The following RHD variants were observed in gnomAD, a reference collection of about 807,000 sequenced individuals.
RHD encodes blood group Rh(D) polypeptide.
RHD carries 16 observed loss-of-function variants against 45.5 expected under a neutral mutation model. The observed-to-expected ratio is 0.35, with a 90% CI of 0.24 to 0.53. RHD has a LOEUF of 0.53. RHD is among the 20% of genes least tolerant of loss of function. RHD has a pLI of 0.92. For synonymous variants in RHD, 131 were observed against 217.5 expected, an observed-to-expected ratio of 0.60 and a Z score of 3.50; for missense variants, 306 against 532.0, an observed-to-expected ratio of 0.58 and a Z score of 4.18.
At position 25,283,643 on chromosome 1, in the gene RHD, G is replaced by T. The variant is rs1365354996; in HGVS notation, c.149-930G>T. ...ACAGTAACAGCACCCACGTCAAAGT[G>T]TGGTTGTGAGAACGAAACAAGATAG... On this transcript the variant is annotated intron_variant, in intron 1 of 9. Coordinates refer to ENST00000328664, the MANE Select transcript of RHD (RefSeq NM_016124.6). Among the ~76,000 whole-genome samples, 14 of 133,860 alleles carry T rather than the reference G, an allele frequency of 1.0e-4. 1 individual carries two copies. The highest frequency in any genetic ancestry group is 3.6e-4 in the African/African-American group (14 of 38,514). 87.8% of individuals were successfully genotyped at this position (133,860 alleles called of 152,430 possible).
In RHD at chr1:25,293,113, G is replaced by A. The variant is rs1270990324; in HGVS notation, c.486+2322G>A. Among the ~76,000 whole-genome samples, 19 of 131,914 alleles carry A rather than the reference G, an allele frequency of 1.4e-4. 3 individuals carry two copies. The highest frequency in any genetic ancestry group is 4.4e-4 in the Admixed American group (6 of 13,606). 86.5% of individuals were successfully genotyped at this position (131,914 alleles called of 152,430 possible). ...ATGAAGGCAACAGCCTGGCTTGACT[G>A]ATTCAAGAGCAGGAGATGAGAAAGT... On this transcript the variant is annotated intron_variant, in intron 3 of 9. Coordinates refer to ENST00000328664, the MANE Select transcript of RHD (RefSeq NM_016124.6).
rs193190314 is a variant in RHD at position 25,282,358 on chromosome 1, G to A, written c.149-2215G>A. 2.4e-3 allele frequency among the ~76,000 whole-genome samples: 318 copies of A among 131,018 alleles called. 51 individuals carry two copies. Among genetic ancestry groups the A allele is most frequent in the African/African-American group, 7.6e-3 (292 of 38,478 alleles). The allele number at this position is 131,018 out of a possible 152,430, so 86.0% of individuals were successfully genotyped here. ...CAAGCGATTCTCCTGCCTGCCTCCC[G>A]AGTAGCTGGGATTACAGGTGCCCAC... On this transcript the variant is annotated intron_variant, in intron 1 of 9. Coordinates refer to ENST00000328664, the MANE Select transcript of RHD (RefSeq NM_016124.6).
intron 7 of RHD, among the ~76,000 whole-genome samples, chr1:25,315,058 G>A (rs1644365049): frequency 7.8e-6 from 1 of 128,528 alleles, no homozygotes; most frequent in Non-Finnish European, 1.8e-5. Context: ...CAAAAAATTA[G>A]CTGGGCGTTG....
rs148372213 is a variant in RHD at position 25,281,910 on chromosome 1, T to C, written c.149-2663T>C. Among the ~76,000 whole-genome samples the C allele has an allele frequency of 3.9e-3, 516 of 132,758 alleles. 72 individuals are homozygous for C. Among genetic ancestry groups the C allele is most frequent in the East Asian group, 0.028 (146 of 5,140 alleles). The allele number at this position is 132,758 out of a possible 152,430, so 87.1% of individuals were successfully genotyped here. A position where few individuals can be genotyped will look rare whatever the true frequency, so the allele number is the denominator to read the frequency against. On this transcript the variant is annotated intron_variant, in intron 1 of 9. Coordinates refer to ENST00000328664, the MANE Select transcript of RHD (RefSeq NM_016124.6). ...GTGTATGTTTCAATGGAAGTGAATTTAAATGTACTTTATAAATCAAAGACT... is the reference window on the plus strand; with the variant it reads ...GTGTATGTTTCAATGGAAGTGAATTCAAATGTACTTTATAAATCAAAGACT...
In RHD at chr1:25,328,998, C is replaced by T. The variant is rs764932087; in HGVS notation, c.*74C>T. The T allele has an allele frequency of 7.3e-6, 10 of 1,375,126 alleles. 3 individuals carry two copies. The highest frequency in any genetic ancestry group is 5.9e-5 in the South Asian group (5 of 84,602). 85.2% of individuals were successfully genotyped at this position (1,375,126 alleles called of 1,614,324 possible). ...CCTCTCACTGTTGCCTGCATTTGTA[C>T]GTGAGAAACGCTCATGACAGCAAAG... On this transcript the variant is annotated 3_prime_UTR_variant, in exon 10 of 10. Coordinates refer to ENST00000328664, the MANE Select transcript of RHD (RefSeq NM_016124.6).
At position 25,282,142 on chromosome 1, in the gene RHD, G is replaced by C. The variant is rs528359106; in HGVS notation, c.149-2431G>C. Among the ~76,000 whole-genome samples the C allele has an allele frequency of 3.3e-4, 44 of 132,646 alleles. 10 individuals are homozygous for C. Among genetic ancestry groups the C allele is most frequent in the Middle Eastern group, 4.1e-3 (1 of 246 alleles). 87.0% of individuals were successfully genotyped at this position (132,646 alleles called of 152,430 possible). ...GATTTCCCAGAAACCTCTCAGGTGG[G>C]TCTAATTACCCTTATTCAGCTGATA... On this transcript the variant is annotated intron_variant, in intron 1 of 9. Transcript: ENST00000328664.
chr1:25,305,531 G>A lies in RHD; in HGVS notation c.940-1065G>A, dbSNP rs539006708. On this transcript the variant is annotated intron_variant, in intron 6 of 9. Transcript: ENST00000328664. Reference sequence around the variant, plus strand: ...CCTACCTCAGCCTCCTGAGTAGCTGGGATTACAGGTGCCCACCACCATGCC... The same window carrying A: ...CCTACCTCAGCCTCCTGAGTAGCTGAGATTACAGGTGCCCACCACCATGCC... Among the ~76,000 whole-genome samples, 583 of 128,962 alleles carry A rather than the reference G, an allele frequency of 4.5e-3. 92 individuals are homozygous for A. Among genetic ancestry groups the A allele is most frequent in the African/African-American group, 0.015 (560 of 37,420 alleles). 84.6% of individuals were successfully genotyped at this position (128,962 alleles called of 152,430 possible). A position where few individuals can be genotyped will look rare whatever the true frequency, so the allele number is the denominator to read the frequency against.
chr1:25,311,365 G>A (rs1437866642), intron 7 of RHD, among the ~76,000 whole-genome samples: 1 of 130,606 alleles, frequency 7.7e-6, no homozygotes, highest in African/African-American at 2.6e-5. Flanking sequence ...AAGAAAACTA[G>A]TACACATAAA....
Position 25,310,718 on chromosome 1 carries a change from T to G in RHD, c.1073+3989T>G, listed in dbSNP as rs779490818. Among the ~76,000 whole-genome samples, 8 of 132,696 alleles carry G rather than the reference T, an allele frequency of 6.0e-5. 2 individuals are homozygous for G. The highest frequency in any genetic ancestry group is 2.0e-4 in the African/African-American group (8 of 39,346). 87.1% of individuals were successfully genotyped at this position (132,696 alleles called of 152,430 possible). The stretch of plus-strand genomic sequence containing the variant: ...CAGGCACGGTGTCTCAGGCTTATAA[T>G]CCCAGCACTTTGGGAGGCCAAAGCA... On this transcript the variant is annotated intron_variant, in intron 7 of 9. Coordinates refer to ENST00000328664, the MANE Select transcript of RHD (RefSeq NM_016124.6).
chr1:25,299,402 T>C (rs916670241), intron 3 of RHD, among the ~76,000 whole-genome samples: 2 of 129,798 alleles, frequency 1.5e-5, no homozygotes, highest in African/African-American at 5.3e-5. Context: ...AATAAATAAA[T>C]ACAAATAAAA....
rs1403405250 is a variant in RHD at position 25,322,631 on chromosome 1, C to G, written c.1227+669C>G. Among the ~76,000 whole-genome samples, 3 of 130,110 alleles carry G rather than the reference C, an allele frequency of 2.3e-5. 1 individual carries two copies. The highest frequency in any genetic ancestry group is 5.5e-5 in the Non-Finnish European group (3 of 54,932). The allele number at this position is 130,110 out of a possible 152,430, so 85.4% of individuals were successfully genotyped here. A position where few individuals can be genotyped will look rare whatever the true frequency, so the allele number is the denominator to read the frequency against. On this transcript the variant is annotated intron_variant, in intron 9 of 9. Coordinates refer to ENST00000328664, the MANE Select transcript of RHD (RefSeq NM_016124.6). ...AAGTTTGCAGTGATCTGAGATCATGCCACTGCACTCCAGCCTGGGTGACAG... is the reference window on the plus strand; with the variant it reads ...AAGTTTGCAGTGATCTGAGATCATGGCACTGCACTCCAGCCTGGGTGACAG...
At chr1:25,311,733 T>C (rs1294898155) in intron 7 of RHD, among the ~76,000 whole-genome samples, 1 of 129,920 alleles carries the variant, frequency 7.7e-6, no homozygotes, top group East Asian at 2.0e-4. Flanking sequence ...GCTCCCCACA[T>C]TTCTGGTGCA....
rs1461981112 is a variant in RHD at position 25,307,586 on chromosome 1, C to T, written c.1073+857C>T. ...CATTATCTCCTTGAATTCTCACAAC[C>T]GCCTACTGAGGTATTCTCAGACTCT... On this transcript the variant is annotated intron_variant, in intron 7 of 9. Transcript: ENST00000328664. 24 of 730,650 alleles carry T rather than the reference C, an allele frequency of 3.3e-5. 3 individuals are homozygous for T. Among genetic ancestry groups the T allele is most frequent in the East Asian group, 1.3e-4 (5 of 38,140 alleles). 45.3% of individuals were successfully genotyped at this position (730,650 alleles called of 1,614,324 possible).
chr1:25,313,490 C>T lies in RHD; in HGVS notation c.1074-3510C>T, dbSNP rs1292106917. On this transcript the variant is annotated intron_variant, in intron 7 of 9. Transcript: ENST00000328664. Reference sequence around the variant, plus strand: ...TCCAGGTTGTTAAGCATTGCTGTACCCTTTTTCCACTGGGATATAGTGTTC... The same window carrying T: ...TCCAGGTTGTTAAGCATTGCTGTACTCTTTTTCCACTGGGATATAGTGTTC... 3.0e-4 allele frequency among the ~76,000 whole-genome samples: 40 copies of T among 132,032 alleles called. 9 individuals carry two copies. Among genetic ancestry groups the T allele is most frequent in the Non-Finnish European group, 5.6e-4 (31 of 55,666 alleles). The allele number at this position is 132,032 out of a possible 152,430, so 86.6% of individuals were successfully genotyped here. A position where few individuals can be genotyped will look rare whatever the true frequency, so the allele number is the denominator to read the frequency against.
rs569613326 is a variant in RHD at position 25,322,471 on chromosome 1, G to C, written c.1227+509G>C. ...GGCGATCACCTGAGGCCAGGAGTTCGAGACCAGCCTGGCCAACGTGTCGAA... is the reference window on the plus strand; with the variant it reads ...GGCGATCACCTGAGGCCAGGAGTTCCAGACCAGCCTGGCCAACGTGTCGAA... On this transcript the variant is annotated intron_variant, in intron 9 of 9. Transcript: ENST00000328664. Among the ~76,000 whole-genome samples, 185 of 132,680 alleles carry C rather than the reference G, an allele frequency of 1.4e-3. 22 individuals are homozygous for C. Among genetic ancestry groups the C allele is most frequent in the African/African-American group, 4.3e-3 (169 of 39,032 alleles). The allele number at this position is 132,680 out of a possible 152,430, so 87.0% of individuals were successfully genotyped here. A position where few individuals can be genotyped will look rare whatever the true frequency, so the allele number is the denominator to read the frequency against.
At chr1:25,305,150 C>G (rs1309109992) in intron 6 of RHD, among the ~76,000 whole-genome samples, 1 of 131,190 alleles carries the variant, frequency 7.6e-6, no homozygotes, top group African/African-American at 2.6e-5. Flanking sequence ...GGTTGACAGC[C>G]AAGTGTTGAC....
In RHD at chr1:25,322,029, A is replaced by C. The variant is rs1159040727; in HGVS notation, c.1227+67A>C. 2 of 848,474 alleles carry C rather than the reference A, an allele frequency of 2.4e-6. 1 individual carries two copies. The highest frequency in any genetic ancestry group is 3.2e-5 in the African/African-American group (2 of 62,362). The allele number at this position is 848,474 out of a possible 1,614,324, so 52.6% of individuals were successfully genotyped here. On this transcript the variant is annotated intron_variant, in intron 9 of 9. Transcript: ENST00000328664. ...TGAACTTAAAAACATACCTGAGTAT[A>C]TATGTTGACTTGCTGTTTATGAGTA...
At position 25,276,472 on chromosome 1, in the gene RHD, C is replaced by T. The variant is rs533052122; in HGVS notation, c.148+3777C>T. On this transcript the variant is annotated intron_variant, in intron 1 of 9. Coordinates refer to ENST00000328664, the MANE Select transcript of RHD (RefSeq NM_016124.6). ...TTTAGGGAGGCCAAGTGGGGAGGAT[C>T]GCTTAAACCAAGGAGTTCAAGACGA... Among the ~76,000 whole-genome samples the T allele has an allele frequency of 6.4e-5, 7 of 110,046 alleles. 1 individual carries two copies. Among genetic ancestry groups the T allele is most frequent in the African/African-American group, 1.3e-4 (4 of 30,492 alleles). 72.2% of individuals were successfully genotyped at this position (110,046 alleles called of 152,430 possible).
At chr1:25,292,416 G>C (rs569013675) in intron 3 of RHD, among the ~76,000 whole-genome samples, 1 of 132,772 alleles carries the variant, frequency 7.5e-6, no homozygotes, top group East Asian at 2.0e-4. Flanking sequence ...ATAGCTGTGA[G>C]AGTGATGGGA....
Sources: gnomAD v4.1 joint callset for allele counts (sites outside exome capture counted in the v4.1 genomes callset) on GRCh38, gnomAD v4.1.1 for gene constraint, MANE v1.5 for transcripts, NCBI Gene and HGNC (gene_info 2026-07-23, HGNC 2026-07-21) for gene names.